The following SYCP2 variants were observed in gnomAD, a reference collection of about 807,000 sequenced individuals.
SYCP2 encodes the protein synaptonemal complex lateral element protein.
SYCP2 carries 55 observed loss-of-function variants against 211.3 expected under a neutral mutation model. That is an observed-to-expected ratio of 0.26 (90% confidence interval 0.21 to 0.33). The LOEUF is 0.33. Among genes scored for constraint, SYCP2 ranks in the 10% least tolerant of loss-of-function variants. SYCP2 has a pLI of 1.00. For synonymous variants in SYCP2, 570 were observed against 555.2 expected (o/e 1.03, Z -0.37); for missense variants, 1,731 against 1,752.0 (o/e 0.99, Z 0.21).
At chr20:59,879,862 T>TACACACAC (rs1236840424) in intron 31 of SYCP2, among the ~76,000 whole-genome samples, 24 of 116,024 alleles carry the variant, frequency 2.1e-4, no homozygotes, top group African/African-American at 7.1e-4. Flanking sequence ...TATATATATA[T>TACACACAC]ACACACACAC....
chr20:59,869,745 A>G (rs931711883), intron 36 of SYCP2, 53 bp downstream of exon 36: 4 of 1,070,838 alleles, frequency 3.7e-6, no homozygotes, highest in South Asian at 1.6e-5. Context: ...TCTGAGTCTT[A>G]TAAGAACCAT....
intron 33 of SYCP2, 47 bp downstream of exon 33, chr20:59,877,338 G>A (rs769006349): frequency 3.5e-5 from 44 of 1,269,182 alleles, no homozygotes; most frequent in Non-Finnish European, 4.5e-5. Context: ...TATATATTTA[G>A]TATTTTAAGA....
intron 2 of SYCP2, among the ~76,000 whole-genome samples, chr20:59,925,905 A>C (rs1338064405): frequency 6.6e-6 from 1 of 152,048 alleles, no homozygotes; most frequent in Non-Finnish European, 1.5e-5. Flanking sequence ...CCTGCTTTAA[A>C]ACCTCACTAG....
intron 24 of SYCP2, among the ~76,000 whole-genome samples, chr20:59,887,815 A>G (rs2145711320): frequency 6.6e-6 from 1 of 152,222 alleles, no homozygotes; most frequent in Non-Finnish European, 1.5e-5. Context: ...AGAAAAAAAA[A>G]ACAGAAATTA....
intron 26 of SYCP2, 48 bp from the exon 27 acceptor site, chr20:59,882,213 G>A (rs1399478615): frequency 1.5e-6 from 2 of 1,367,694 alleles, no homozygotes; most frequent in South Asian, 2.4e-5. Context: ...ACAGGTATAT[G>A]AAAAAATGCT....
At chr20:59,898,336 T>C (rs189373100) in intron 18 of SYCP2, among the ~76,000 whole-genome samples, 83 of 152,266 alleles carry the variant, frequency 5.5e-4, no homozygotes, top group African/African-American at 1.9e-3. Context: ...CCATCAATGA[T>C]AGACTGGATA....
intron 20 of SYCP2, among the ~76,000 whole-genome samples, chr20:59,894,093 T>G (rs2059960956): frequency 1.3e-5 from 2 of 152,208 alleles, no homozygotes; most frequent in Non-Finnish European, 1.5e-5. Context: ...TACAGCAAGC[T>G]TCCCTATTTC....
intron 10 of SYCP2, 27 bp from the exon 11 acceptor site, chr20:59,914,278 T>C (rs2060389019): frequency 7.2e-7 from 1 of 1,381,800 alleles, no homozygotes; most frequent in African/African-American, 1.5e-5. Flanking sequence ...TAATGTTTGA[T>C]TTACAATTAT....
At position 59,865,560 on chromosome 20, in the gene SYCP2, A is replaced by G; in HGVS notation, c.4458+13T>C. On this transcript the variant is annotated intron_variant, in intron 43 of 44. Transcript: ENST00000357552. ...TCAAGAGAGGTAACCTATAAAAAGC[A>G]TAAAATTTATACCTCGGATGTAAAA... The G allele has an allele frequency of 6.3e-7, 1 of 1,593,638 alleles. No homozygotes were observed. Among genetic ancestry groups the G allele is most frequent in the Non-Finnish European group, 8.6e-7 (1 of 1,169,244 alleles).
At chr20:59,881,313 TGA>T in intron 29 of SYCP2, 122 bp downstream of exon 29, 1 of 629,224 alleles carries the variant, frequency 1.6e-6, no homozygotes, top group Non-Finnish European at 2.7e-6. Flanking sequence ...AGAATCATAA[TGA>T]GAGTAATAAT....
intron 15 of SYCP2, among the ~76,000 whole-genome samples, chr20:59,903,693 A>G (rs2060160477): frequency 6.6e-6 from 1 of 152,140 alleles, no homozygotes; most frequent in East Asian, 1.9e-4. Context: ...CTTACCTGAA[A>G]AATTCATGTT....
intron 2 of SYCP2, among the ~76,000 whole-genome samples, chr20:59,928,761 T>TG (rs1419648572): frequency 6.6e-6 from 1 of 152,084 alleles, no homozygotes; most frequent in African/African-American, 2.4e-5. Flanking sequence ...ACTTGGCATG[T>TG]GGAAAAAATA....
intron 8 of SYCP2, 30 bp downstream of exon 8, chr20:59,916,454 TTA>T: frequency 7.6e-7 from 1 of 1,311,648 alleles, no homozygotes; most frequent in Middle Eastern, 1.9e-4. Context: ...GTTCTCATTT[TTA>T]GTTTTTAAAA....
intron 3 of SYCP2, 35 bp downstream of exon 3, chr20:59,922,355 A>G: frequency 6.4e-7 from 1 of 1,560,260 alleles, no homozygotes; most frequent in Non-Finnish European, 8.6e-7. Flanking sequence ...GATTTTCAGA[A>G]TGAAAATACT....
chr20:59,880,854 G>T, intron 30 of SYCP2, 112 bp downstream of exon 30: 1 of 533,682 alleles, frequency 1.9e-6, no homozygotes, highest in Non-Finnish European at 3.2e-6. Context: ...GTGGATAGTT[G>T]CATAAATAAA....
chr20:59,886,994 TA>T lies in SYCP2; in HGVS notation c.2365-161del, dbSNP rs569483839. 1.4e-3 allele frequency among the ~76,000 whole-genome samples: 216 copies of T among 151,854 alleles called. 1 individual carries two copies. The highest frequency in any genetic ancestry group is 5.1e-3 in the African/African-American group (210 of 41,332). Reference sequence around the variant, plus strand: ...AGTAAGTTTGAGCTTTGTTAGGCATTAAAATAAGATAATTTTTTTTATTATA... The same window carrying T: ...AGTAAGTTTGAGCTTTGTTAGGCATTAAATAAGATAATTTTTTTTATTATA... On this transcript the variant is annotated intron_variant, in intron 24 of 44. Coordinates refer to ENST00000357552, the MANE Select transcript of SYCP2 (RefSeq NM_014258.4).
chr20:59,916,457 G>T, intron 8 of SYCP2, 29 bp downstream of exon 8: 1 of 1,381,938 alleles, frequency 7.2e-7, no homozygotes, highest in Non-Finnish European at 1.0e-6. Context: ...CTCATTTTTA[G>T]TTTTTAAAAC....
intron 4 of SYCP2, 97 bp from the exon 5 acceptor site, chr20:59,920,584 A>G (rs1293203742): frequency 1.0e-6 from 1 of 1,002,832 alleles, no homozygotes; most frequent in Non-Finnish European, 1.5e-6. Context: ...TAATCTTCAC[A>G]AATCCTGAAA....
At chr20:59,867,014 CAAAAAAA>C (rs779891839) in intron 39 of SYCP2, among the ~76,000 whole-genome samples, 3,266 of 60,478 alleles carry the variant, frequency 0.054, 173 homozygotes, top group African/African-American at 0.16. Context: ...GGCCTTGGGC[CAAAAAAA>C]AAAAAAAAAA....
Sources: allele counts gnomAD v4.1 joint callset (sites outside exome capture counted in the v4.1 genomes callset), GRCh38; gene constraint gnomAD v4.1.1; transcripts MANE v1.5; gene names NCBI Gene and HGNC (gene_info 2026-07-23, HGNC 2026-07-21).